The following SPOCK1 variants were observed in gnomAD, a reference collection of about 807,000 sequenced individuals.
SPOCK1 encodes SPARC (osteonectin), cwcv and kazal like domains proteoglycan 1.
A neutral mutation model predicts 55.3 loss-of-function variants in SPOCK1; 23 were observed. That is an observed-to-expected ratio of 0.42 (90% CI 0.30 to 0.59). SPOCK1 has a LOEUF of 0.59. Ranked by LOEUF, SPOCK1 falls within the 20% of genes least tolerant of loss-of-function variation. SPOCK1 has a pLI of 0.22. For synonymous variants in SPOCK1, 226 were observed against 221.0 expected (o/e 1.02, Z -0.20); for missense variants, 499 against 552.5 (o/e 0.90, Z 0.97).
chr5:137,420,625 G>A (rs1752467273), intron 2 of SPOCK1, among the ~76,000 whole-genome samples: 1 of 152,162 alleles, frequency 6.6e-6, no homozygotes, highest in Admixed American at 6.5e-5. Flanking sequence ...TTGTATTTCT[G>A]TGGGATCAGT....
intron 2 of SPOCK1, among the ~76,000 whole-genome samples, chr5:137,390,976 G>T (rs1369198241): frequency 6.6e-6 from 1 of 152,144 alleles, no homozygotes; most frequent in East Asian, 1.9e-4. Flanking sequence ...TGCCAAGGTG[G>T]TTTGCTGCAC....
At chr5:137,341,810 C>T (rs982847232) in intron 2 of SPOCK1, among the ~76,000 whole-genome samples, 6 of 152,134 alleles carry the variant, frequency 3.9e-5, no homozygotes, top group Admixed American at 6.5e-5. Flanking sequence ...ACAGCTAATC[C>T]CAGGAGAAAA....
chr5:137,181,563 C>T (rs1328068634), intron 3 of SPOCK1, among the ~76,000 whole-genome samples: 1 of 152,164 alleles, frequency 6.6e-6, no homozygotes, highest in African/African-American at 2.4e-5. Flanking sequence ...GGCCCCACGG[C>T]CAGTTTCCCA....
At chr5:137,368,537 G>A (rs1751125150) in intron 2 of SPOCK1, among the ~76,000 whole-genome samples, 1 of 152,192 alleles carries the variant, frequency 6.6e-6, no homozygotes, top group African/African-American at 2.4e-5. Context: ...CCCAAATACA[G>A]CCAGCTAGGC....
At chr5:137,043,198 C>A (rs547438233) in intron 6 of SPOCK1, among the ~76,000 whole-genome samples, 4 of 152,204 alleles carry the variant, frequency 2.6e-5, no homozygotes, top group African/African-American at 9.6e-5. Flanking sequence ...AAAGCTGGAA[C>A]AATTTGAAAT....
intron 2 of SPOCK1, among the ~76,000 whole-genome samples, chr5:137,325,801 G>A (rs1251158048): frequency 6.6e-6 from 1 of 152,220 alleles, no homozygotes; most frequent in Non-Finnish European, 1.5e-5. Flanking sequence ...GGCAGTGGTA[G>A]TTTACACGGG....
At chr5:137,386,380 T>C (rs988836131) in intron 2 of SPOCK1, among the ~76,000 whole-genome samples, 2 of 152,148 alleles carry the variant, frequency 1.3e-5, no homozygotes, top group Non-Finnish European at 2.9e-5. Context: ...TTCTAAAGTT[T>C]ACATGAAGAG....
intron 2 of SPOCK1, among the ~76,000 whole-genome samples, chr5:137,479,425 T>C (rs752271636): frequency 3.9e-5 from 6 of 152,206 alleles, no homozygotes; most frequent in Non-Finnish European, 8.8e-5. Flanking sequence ...CTCTGCAGGA[T>C]AGATCCCCAG....
intron 2 of SPOCK1, among the ~76,000 whole-genome samples, chr5:137,385,973 T>C (rs1751592068): frequency 1.3e-5 from 2 of 152,214 alleles, no homozygotes; most frequent in South Asian, 4.1e-4. Flanking sequence ...AGAATGGCCA[T>C]ACTCCAGTGC....
chr5:137,187,477 C>G (rs765003328), intron 3 of SPOCK1, among the ~76,000 whole-genome samples: 1 of 152,148 alleles, frequency 6.6e-6, no homozygotes, highest in Non-Finnish European at 1.5e-5. Context: ...CCAATCAGAC[C>G]CCTTCTCCAG....
intron 2 of SPOCK1, among the ~76,000 whole-genome samples, chr5:137,290,602 T>C (rs146192626): frequency 2.6e-5 from 4 of 152,328 alleles, no homozygotes; most frequent in African/African-American, 9.6e-5. Context: ...CACACATGCG[T>C]ATCACATTTT....
intron 6 of SPOCK1, among the ~76,000 whole-genome samples, chr5:137,052,477 G>A (rs1389737598): frequency 6.6e-6 from 1 of 152,150 alleles, no homozygotes; most frequent in African/African-American, 2.4e-5. Flanking sequence ...CTGCTAGTAT[G>A]TAACAGAAGA....
chr5:137,090,286 A>G (rs1753030083), intron 5 of SPOCK1, among the ~76,000 whole-genome samples: 2 of 152,224 alleles, frequency 1.3e-5, no homozygotes, highest in Admixed American at 1.3e-4. Context: ...CGTAATTTCT[A>G]AACTTCCCAC....
At chr5:137,393,904 G>C (rs1328845104) in intron 2 of SPOCK1, among the ~76,000 whole-genome samples, 1 of 151,998 alleles carries the variant, frequency 6.6e-6, no homozygotes, top group African/African-American at 2.4e-5. Flanking sequence ...GGTAAAAAGT[G>C]GTTATCTCCA....
Position 137,358,119 on chromosome 5 carries a change from T to C in SPOCK1, c.187-91064A>G, listed in dbSNP as rs72796526. 6.3e-3 allele frequency among the ~76,000 whole-genome samples: 966 copies of C among 152,180 alleles called. 7 individuals are homozygous for C. Among genetic ancestry groups the C allele is most frequent in the Non-Finnish European group, 0.012 (819 of 68,014 alleles). ...GTCAGAAAGCACCAAGTGATGCAAC[T>C]AGCCTGCTTAGGGAGGAGGAGTAGA... On this transcript the variant is annotated intron_variant, in intron 2 of 10. Coordinates refer to ENST00000394945, the MANE Select transcript of SPOCK1 (RefSeq NM_004598.4).
rs1472600885 is a variant in SPOCK1, at chr5:137,057,627, G to A, written c.589+10088C>T. On this transcript the variant is annotated intron_variant, in intron 6 of 10. Coordinates refer to ENST00000394945, the MANE Select transcript of SPOCK1 (RefSeq NM_004598.4). The stretch of plus-strand genomic sequence containing the variant: ...TCATTTGATTCTTACTACACCTGTT[G>A]GACTGGGGCCACACCTTTCTTTGCT... Among the ~76,000 whole-genome samples the A allele has an allele frequency of 7.9e-5, 12 of 152,208 alleles. No homozygotes were observed. In the East Asian group the frequency reaches 1.2e-3, roughly 15 times the overall value.
chr5:137,370,158 C>G (rs779805920), intron 2 of SPOCK1, among the ~76,000 whole-genome samples: 1 of 152,116 alleles, frequency 6.6e-6, no homozygotes, highest in African/African-American at 2.4e-5. Context: ...CAGGACCAAC[C>G]GATTCTGCAC....
intron 2 of SPOCK1, among the ~76,000 whole-genome samples, chr5:137,361,344 C>T (rs1327199976): frequency 1.3e-5 from 2 of 152,268 alleles, no homozygotes; most frequent in Middle Eastern, 3.4e-3. Flanking sequence ...AGACTGTGAG[C>T]TCTGTAATGG....
intron 3 of SPOCK1, among the ~76,000 whole-genome samples, chr5:137,160,182 C>T (rs1561631314): frequency 6.6e-6 from 1 of 151,576 alleles, no homozygotes. Flanking sequence ...CATAGCTTAG[C>T]TCCCACATAT....
Sources: allele counts gnomAD v4.1 joint callset (sites outside exome capture counted in the v4.1 genomes callset), GRCh38; gene constraint gnomAD v4.1.1; transcripts MANE v1.5; gene names NCBI Gene and HGNC (gene_info 2026-07-23, HGNC 2026-07-21).